PTPRO: variants seen among roughly 807,000 people sequenced by gnomAD.
PTPRO encodes the protein protein tyrosine phosphatase receptor type O, also known as receptor-type tyrosine-protein phosphatase O.
A neutral mutation model predicts 145.2 loss-of-function variants in PTPRO; 62 were observed. That is an observed-to-expected ratio of 0.43 (90% CI 0.35 to 0.53). The LOEUF is 0.53. Ranked by LOEUF, PTPRO falls within the 20% of genes least tolerant of loss-of-function variation. The probability of loss-of-function intolerance (pLI) is 0.01; values close to 1 mark genes in which losing one functional copy is unlikely to be tolerated. For missense variants in PTPRO, 1,345 were observed against 1,482.7 expected, an observed-to-expected ratio of 0.91 and a Z score of 1.53; for synonymous variants, 565 against 514.7, an observed-to-expected ratio of 1.10 and a Z score of -1.32.
intron 1 of PTPRO, among the ~76,000 whole-genome samples, chr12:15,389,684 G>A (rs1281501910): frequency 1.3e-5 from 2 of 152,062 alleles, no homozygotes; most frequent in Admixed American, 6.5e-5. Flanking sequence ...GACTTCTAAT[G>A]CCAAACACCT....
At chr12:15,538,530 G>T (rs1290072643) in intron 12 of PTPRO, among the ~76,000 whole-genome samples, 3 of 152,090 alleles carry the variant, frequency 2.0e-5, no homozygotes, top group African/African-American at 7.2e-5. Context: ...GCCCACTTTA[G>T]CACTTCTCTA....
intron 1 of PTPRO, among the ~76,000 whole-genome samples, chr12:15,443,404 A>C (rs764694918): frequency 3.3e-5 from 5 of 152,218 alleles, no homozygotes; most frequent in African/African-American, 4.8e-5. Flanking sequence ...TTCTAGAAGA[A>C]AACCTAGGAA....
At chr12:15,526,654 A>G (rs1001878472) in intron 12 of PTPRO, among the ~76,000 whole-genome samples, 1 of 152,142 alleles carries the variant, frequency 6.6e-6, no homozygotes, top group African/African-American at 2.4e-5. Flanking sequence ...AAATCTACAT[A>G]TTGATTTTTT....
chr12:15,383,505 T>C (rs56718197), intron 1 of PTPRO, among the ~76,000 whole-genome samples: 1 of 152,052 alleles, frequency 6.6e-6, no homozygotes, highest in Non-Finnish European at 1.5e-5. Context: ...CTGTAAAATA[T>C]TTGAAGAGGT....
At chr12:15,420,526 A>G (rs1940115709) in intron 1 of PTPRO, among the ~76,000 whole-genome samples, 1 of 151,678 alleles carries the variant, frequency 6.6e-6, no homozygotes, top group African/African-American at 2.4e-5. Flanking sequence ...CCGTCTTACC[A>G]CATTTCCTGA....
At chr12:15,442,754 C>T (rs1364919492) in intron 1 of PTPRO, among the ~76,000 whole-genome samples, 1 of 151,644 alleles carries the variant, frequency 6.6e-6, no homozygotes, top group African/African-American at 2.4e-5. Flanking sequence ...TAGCCACACA[C>T]ACAAAAAAAT....
chr12:15,422,912 G>C (rs1310904630), intron 1 of PTPRO, among the ~76,000 whole-genome samples: 3 of 152,152 alleles, frequency 2.0e-5, no homozygotes, highest in Non-Finnish European at 4.4e-5. Flanking sequence ...AGATAATAAT[G>C]AGATTGTCAC....
chr12:15,475,759 C>A (rs12424657), intron 1 of PTPRO, among the ~76,000 whole-genome samples: 1 of 151,990 alleles, frequency 6.6e-6, no homozygotes, highest in Non-Finnish European at 1.5e-5. Context: ...CACTGACCAC[C>A]AGCAAACTTG....
Position 15,549,191 on chromosome 12 carries a change from C to G in PTPRO, c.2402C>G (p.Pro801Arg). The change falls in exon 14 of 27, where the codon CCC becomes CGC. Residue 801 changes from proline (P) to arginine (R), a missense_variant. Physicochemically the swap from Pro to Arg is moderately radical, Grantham distance 103 (BLOSUM62 -2). Coordinates refer to ENST00000281171, the MANE Select transcript of PTPRO (RefSeq NM_030667.3). ...CSVTSFSHDS[P>R]SVPTFIAVST... Reference sequence around the variant, plus strand: ...GTCACCAGCTTTAGCCATGACAGCCCCAGTGTCCCTACGTTCATAGCCGTC... The same window carrying G: ...GTCACCAGCTTTAGCCATGACAGCCGCAGTGTCCCTACGTTCATAGCCGTC... 1.2e-6 allele frequency: 2 copies of G among 1,610,146 alleles called. No homozygotes were observed. The highest frequency in any genetic ancestry group is 1.7e-6 in the Non-Finnish European group (2 of 1,179,352).
intron 1 of PTPRO, among the ~76,000 whole-genome samples, chr12:15,398,904 A>G (rs543641059): frequency 4.5e-4 from 68 of 152,266 alleles, no homozygotes; most frequent in African/African-American, 1.5e-3. Flanking sequence ...GCGGCTCAAC[A>G]CTAGAAGAGC....
chr12:15,451,245 T>C (rs1591823001), intron 1 of PTPRO, among the ~76,000 whole-genome samples: 1 of 151,966 alleles, frequency 6.6e-6, no homozygotes, highest in East Asian at 1.9e-4. Context: ...AAGAGAAACA[T>C]TATATAATGA....
chr12:15,323,073 T>G (rs1404363104), intron 1 of PTPRO, among the ~76,000 whole-genome samples: 1 of 152,258 alleles, frequency 6.6e-6, no homozygotes, highest in Non-Finnish European at 1.5e-5. Context: ...GAAATCCACA[T>G]CAAAGGTGGG....
chr12:15,451,777 AAACAATTATTTGAACTG>A (rs1272461910), intron 1 of PTPRO, among the ~76,000 whole-genome samples: 8 of 152,198 alleles, frequency 5.3e-5, no homozygotes, highest in African/African-American at 1.9e-4. Context: ...AGACAAAATT[AAACAATTATTTGAACTG>A]AACAATAATA....
In PTPRO at chr12:15,594,932, TC is replaced by T. The variant is rs778012255; in HGVS notation, c.3547-3del. 3.1e-6 allele frequency: 5 copies of T among 1,611,214 alleles called. No individual in the cohort carries two copies. In the African/African-American group the frequency reaches 6.7e-5, roughly 22 times the overall value. Reference sequence around the variant, plus strand: ...TCTGAAACCTGTTTTTGTCTTTTGTTCCAGGAGCAGTACATTTTTATCCATC... The same window carrying T: ...TCTGAAACCTGTTTTTGTCTTTTGTTCAGGAGCAGTACATTTTTATCCATC... On this transcript the variant is annotated splice_region_variant and splice_polypyrimidine_tract_variant and intron_variant, in intron 25 of 26. Transcript: ENST00000281171.
Position 15,473,958 on chromosome 12 carries a change from G to C in PTPRO, c.76-10016G>C, listed in dbSNP as rs11056512. ...TTATAAATTAAGAAGATGAAGTTAA[G>C]AGATGCTTGGACTTCCCCTAGTTCT... On this transcript the variant is annotated intron_variant, in intron 1 of 26. Transcript: ENST00000281171. Among the ~76,000 whole-genome samples, 852 of 152,190 alleles carry C rather than the reference G, an allele frequency of 5.6e-3. 55 individuals are homozygous for C. The East Asian group carries it at 0.14, about 25-fold the overall frequency.
chr12:15,473,833 G>GA (rs1051128020), intron 1 of PTPRO, among the ~76,000 whole-genome samples: 2 of 144,480 alleles, frequency 1.4e-5, no homozygotes, highest in African/African-American at 5.1e-5. Flanking sequence ...AATAACCTTT[G>GA]AAATACAACT....
intron 1 of PTPRO, among the ~76,000 whole-genome samples, chr12:15,476,683 G>A (rs1364924104): frequency 6.6e-6 from 1 of 151,974 alleles, no homozygotes; most frequent in African/African-American, 2.4e-5. Flanking sequence ...TTCTTCTAGG[G>A]TTTTTATGGT....
chr12:15,444,360 G>T (rs1591817363), intron 1 of PTPRO, among the ~76,000 whole-genome samples: 2 of 151,986 alleles, frequency 1.3e-5, no homozygotes, highest in South Asian at 2.1e-4. Flanking sequence ...GTGGGGCAAG[G>T]TTTGAAAAAC....
rs1264503067 is a variant in PTPRO at position 15,513,148 on chromosome 12, A to G, written c.1465-2350A>G. Among the ~76,000 whole-genome samples, 148 of 37,872 alleles carry G rather than the reference A, an allele frequency of 3.9e-3. 5 individuals carry two copies. Among genetic ancestry groups the G allele is most frequent in the Non-Finnish European group, 4.7e-3 (83 of 17,584 alleles). The allele number at this position is 37,872 out of a possible 152,430, so 24.8% of individuals were successfully genotyped here. The stretch of plus-strand genomic sequence containing the variant: ...GGAAGGAAGGAAGGAAGGAAGAAAG[A>G]AAGAAAGAAAAAGAAAGAAAGAAAG... On this transcript the variant is annotated intron_variant, in intron 7 of 26. Coordinates refer to ENST00000281171, the MANE Select transcript of PTPRO (RefSeq NM_030667.3).
Sources: gnomAD v4.1 joint callset for allele counts (sites outside exome capture counted in the v4.1 genomes callset) on GRCh38, gnomAD v4.1.1 for gene constraint, MANE v1.5 for transcripts, NCBI Gene and HGNC (gene_info 2026-07-23, HGNC 2026-07-21) for gene names.